The following GRIP1 variants were observed in gnomAD, a reference collection of about 807,000 sequenced individuals.
GRIP1 encodes glutamate receptor-interacting protein 1.
GRIP1 carries 45 observed loss-of-function variants against 129.9 expected under a neutral mutation model. The ratio of observed to expected loss-of-function variants is 0.35; its 90% CI spans 0.27 to 0.44. The LOEUF is 0.44. Ranked by LOEUF, GRIP1 falls within the 20% of genes least tolerant of loss-of-function variation. The probability of loss-of-function intolerance (pLI) is 1.00; values close to 1 mark genes in which losing one functional copy is unlikely to be tolerated. For missense variants in GRIP1, 1,196 were observed against 1,396.8 expected (o/e 0.86, Z 2.29); for synonymous variants, 530 against 520.8 (o/e 1.02, Z -0.24).
At chr12:66,399,971 T>C (rs373898612) in intron 16 of GRIP1, among the ~76,000 whole-genome samples, 1 of 151,980 alleles carries the variant, frequency 6.6e-6, no homozygotes, top group East Asian at 1.9e-4. Flanking sequence ...CACAATGATA[T>C]ACCAAGAGAT....
intron 5 of GRIP1, among the ~76,000 whole-genome samples, chr12:66,520,302 C>G (rs192449484): frequency 3.9e-5 from 6 of 152,226 alleles, no homozygotes; most frequent in South Asian, 2.1e-4. Flanking sequence ...GGGTAGTGAC[C>G]ACCTTTTGAA....
At chr12:67,054,205 G>A (rs11837621) in intron 1 of GRIP1, among the ~76,000 whole-genome samples, 1,722 of 152,286 alleles carry the variant, frequency 0.011, 20 homozygotes, top group Middle Eastern at 0.044. Flanking sequence ...AAAAGTGAAT[G>A]CAATTATATC....
Position 66,785,343 on chromosome 12 carries a change from C to CAT in GRIP1, c.-420+18708_-420+18709dup, listed in dbSNP as rs199738180. On this transcript the variant is annotated intron_variant, in intron 1 of 4. Transcript: ENST00000538373. ...ACATACATACATACATACATACATACATATATATATATATATATATTAGTT... is the reference window on the plus strand; with the variant it reads ...ACATACATACATACATACATACATACATATATATATATATATATATATTAGTT... 1.3e-3 allele frequency among the ~76,000 whole-genome samples: 96 copies of CAT among 72,782 alleles called. 2 individuals carry two copies. Among genetic ancestry groups the CAT allele is most frequent in the African/African-American group, 4.7e-3 (92 of 19,718 alleles). The allele number at this position is 72,782 out of a possible 152,430, so 47.7% of individuals were successfully genotyped here.
intron 1 of GRIP1, among the ~76,000 whole-genome samples, chr12:66,862,468 T>C (rs974645131): frequency 6.6e-6 from 1 of 152,112 alleles, no homozygotes; most frequent in African/African-American, 2.4e-5. Flanking sequence ...GTAAGCTCTC[T>C]GTAGACTAGG....
At chr12:66,828,626 G>C (rs1192032431) in intron 1 of GRIP1, among the ~76,000 whole-genome samples, 2 of 152,126 alleles carry the variant, frequency 1.3e-5, no homozygotes, top group Non-Finnish European at 2.9e-5. Context: ...TCATTTTTCA[G>C]TCTTTCTTAT....
At chr12:66,555,344 G>A (rs976536049) in intron 2 of GRIP1, among the ~76,000 whole-genome samples, 1 of 152,158 alleles carries the variant, frequency 6.6e-6, no homozygotes, top group African/African-American at 2.4e-5. Context: ...GCATTACTGG[G>A]CTTGGGGTGC....
intron 23 of GRIP1, among the ~76,000 whole-genome samples, chr12:66,364,728 A>G (rs2055032530): frequency 6.6e-6 from 1 of 152,242 alleles, no homozygotes; most frequent in African/African-American, 2.4e-5. Flanking sequence ...TTTCACATGA[A>G]AAATGAAATG....
At chr12:66,393,264 C>T (rs1027700025) in intron 17 of GRIP1, among the ~76,000 whole-genome samples, 4 of 149,620 alleles carry the variant, frequency 2.7e-5, no homozygotes, top group South Asian at 2.1e-4. Context: ...CTGCAACCTC[C>T]GCATCCCGGG....
At chr12:66,567,410 T>C (rs961293464) in intron 2 of GRIP1, among the ~76,000 whole-genome samples, 1 of 152,174 alleles carries the variant, frequency 6.6e-6, no homozygotes, top group Non-Finnish European at 1.5e-5. Context: ...ACTGACCACA[T>C]AGTTGGAAGT....
intron 1 of GRIP1, among the ~76,000 whole-genome samples, chr12:66,642,925 T>C (rs1196552013): frequency 6.6e-6 from 1 of 152,212 alleles, no homozygotes; most frequent in East Asian, 1.9e-4. Context: ...CAAGTGGAAT[T>C]GTTTTTTAAA....
chr12:66,375,428 G>T (rs1426891967), intron 22 of GRIP1, among the ~76,000 whole-genome samples: 1 of 152,038 alleles, frequency 6.6e-6, no homozygotes, highest in Non-Finnish European at 1.5e-5. Flanking sequence ...TTTAATGCTG[G>T]ATGTAAATTT....
chr12:66,980,673 T>C (rs1197533133), intron 1 of GRIP1, among the ~76,000 whole-genome samples: 1 of 152,170 alleles, frequency 6.6e-6, no homozygotes, highest in Non-Finnish European at 1.5e-5. Context: ...TAAAATATTA[T>C]CCTTATTATA....
intron 1 of GRIP1, among the ~76,000 whole-genome samples, chr12:66,797,187 G>GGC (rs1162001090): frequency 2.0e-5 from 3 of 152,186 alleles, no homozygotes; most frequent in Non-Finnish European, 4.4e-5. Flanking sequence ...CATGGTGAAT[G>GGC]ATCTGGTGAG....
upstream of GRIP1, among the ~76,000 whole-genome samples, chr12:66,681,946 T>C (rs1486328125): frequency 6.6e-6 from 1 of 152,174 alleles, no homozygotes; most frequent in Non-Finnish European, 1.5e-5. Context: ...CTTTCACACA[T>C]AATGTATCAT....
At chr12:66,856,944 T>C (rs2040016116) in intron 1 of GRIP1, among the ~76,000 whole-genome samples, 1 of 152,140 alleles carries the variant, frequency 6.6e-6, no homozygotes, top group South Asian at 2.1e-4. Flanking sequence ...TGCGGCACTA[T>C]TCACAATAGC....
chr12:66,608,350 T>C (rs1194391458), intron 1 of GRIP1, among the ~76,000 whole-genome samples: 1 of 152,124 alleles, frequency 6.6e-6, no homozygotes, highest in African/African-American at 2.4e-5. Context: ...TGTTTGTTTG[T>C]TTTCAACAGT....
At chr12:66,458,372 T>C (rs2059029977) in intron 9 of GRIP1, among the ~76,000 whole-genome samples, 1 of 141,168 alleles carries the variant, frequency 7.1e-6, no homozygotes, top group South Asian at 2.2e-4. Flanking sequence ...ATGCCACTCC[T>C]GTTTGAATAG....
chr12:66,674,002 G>C (rs373530725), intron 1 of GRIP1, among the ~76,000 whole-genome samples: 2 of 152,182 alleles, frequency 1.3e-5, no homozygotes, highest in Admixed American at 1.3e-4. Flanking sequence ...AAAGCAGAAA[G>C]GACATGGTTG....
intron 1 of GRIP1, among the ~76,000 whole-genome samples, chr12:66,786,049 C>T (rs551641975): frequency 6.6e-6 from 1 of 152,286 alleles, no homozygotes; most frequent in African/African-American, 2.4e-5. Context: ...CACCACTGTA[C>T]TCTAGCCTGG....
Sources: gnomAD v4.1 joint callset for allele counts (sites outside exome capture counted in the v4.1 genomes callset) on GRCh38, gnomAD v4.1.1 for gene constraint, MANE v1.5 for transcripts, NCBI Gene and HGNC (gene_info 2026-07-23, HGNC 2026-07-21) for gene names.